Variants in PARD3 observed in about 807,000 individuals in gnomAD.
The protein encoded by PARD3 is partitioning defective 3 homolog.
Under a neutral mutation model 155.4 loss-of-function variants are expected in PARD3, and 75 were observed. The observed-to-expected ratio is 0.48, with a 90% CI of 0.40 to 0.58. The LOEUF is 0.58. Among genes scored for constraint, PARD3 ranks in the 20% least tolerant of loss-of-function variants. The pLI is 0.00. For synonymous variants in PARD3, 576 were observed against 610.5 expected, an observed-to-expected ratio of 0.94 and a Z score of 0.83; for missense variants, 1,642 against 1,721.7, an observed-to-expected ratio of 0.95 and a Z score of 0.82.
chr10:34,605,443 T>C lies in PARD3; in HGVS notation c.223-88284A>G, dbSNP rs1249436188. On this transcript the variant is annotated intron_variant, in intron 2 of 24. Coordinates refer to ENST00000374788, the MANE Select transcript of PARD3 (RefSeq NM_001184785.2). ...CTCCTGACCTCATGATCCGCCCACC[T>C]CGGCCTCCCAAAGTGCTGGGATTAC... 8.2e-5 allele frequency among the ~76,000 whole-genome samples: 12 copies of C among 146,780 alleles called. No individual in the cohort carries two copies. The Admixed American group carries it at 8.2e-4, about 10-fold the overall frequency.
At chr10:34,286,324 A>G (rs548859378) in intron 20 of PARD3, among the ~76,000 whole-genome samples, 3 of 152,364 alleles carry the variant, frequency 2.0e-5, no homozygotes, top group Non-Finnish European at 4.4e-5. Context: ...GGTCATTTCA[A>G]CTGCCATAGA....
At chr10:34,485,930 T>TTG (rs2079430619) in intron 3 of PARD3, among the ~76,000 whole-genome samples, 1 of 149,026 alleles carries the variant, frequency 6.7e-6, no homozygotes, top group African/African-American at 2.5e-5. Context: ...TTTTTTTTTT[T>TTG]TTTTTTTTTT....
chr10:34,376,850 G>C (rs1274066241), intron 10 of PARD3, among the ~76,000 whole-genome samples: 1 of 151,976 alleles, frequency 6.6e-6, no homozygotes, highest in Non-Finnish European at 1.5e-5. Context: ...TTGAATACTA[G>C]TTAATTAGGA....
chr10:34,109,863 T>C lies in PARD3; in HGVS notation c.*1306A>G, dbSNP rs578027985. On this transcript the variant is annotated 3_prime_UTR_variant, in exon 25 of 25. Transcript: ENST00000374788. ...CATGTCTTTTTTTCTGTTTTTAAAG[T>C]AAATACATGGTATGCTGAGCTTTCA... 6.6e-6 allele frequency: 1 copy of C among 151,978 alleles called. No homozygotes were observed. The highest frequency in any genetic ancestry group is 2.1e-4 in the South Asian group (1 of 4,810). The allele number at this position is 151,978 out of a possible 1,614,324, so 9.4% of individuals were successfully genotyped here.
chr10:34,675,945 G>T (rs2093696993), intron 2 of PARD3: 1 of 163,202 alleles, frequency 6.1e-6, no homozygotes, highest in African/African-American at 2.4e-5. Flanking sequence ...CGAATCTCAT[G>T]TGCTGGGCCA....
intron 2 of PARD3, among the ~76,000 whole-genome samples, chr10:34,520,906 C>T (rs1322726874): frequency 6.6e-6 from 1 of 152,098 alleles, no homozygotes; most frequent in African/African-American, 2.4e-5. Context: ...TTTTGGATTG[C>T]TATACTTGAT....
intron 2 of PARD3, among the ~76,000 whole-genome samples, chr10:34,633,755 C>A (rs1035177363): frequency 6.6e-6 from 1 of 152,180 alleles, no homozygotes; most frequent in Non-Finnish European, 1.5e-5. Context: ...AACTTCCATG[C>A]TGTTTTCCAT....
chr10:34,800,361 G>T (rs1842735654), intron 1 of PARD3, among the ~76,000 whole-genome samples: 1 of 152,018 alleles, frequency 6.6e-6, no homozygotes, highest in African/African-American at 2.4e-5. Flanking sequence ...GTAAATCCCA[G>T]CACTTTGGGA....
chr10:34,780,982 TTTGAAGGGATGCA>T (rs1379029173), intron 1 of PARD3, among the ~76,000 whole-genome samples: 1 of 152,200 alleles, frequency 6.6e-6, no homozygotes, highest in Non-Finnish European at 1.5e-5. Context: ...ATTTCCTCTA[TTTGAAGGGATGCA>T]TTTCCGCTTA....
intron 1 of PARD3, among the ~76,000 whole-genome samples, chr10:34,777,198 CT>C (rs1423943756): frequency 3.3e-5 from 5 of 151,970 alleles, no homozygotes; most frequent in African/African-American, 1.2e-4. Flanking sequence ...TCGAAGACTC[CT>C]GCCTGCTCAC....
intron 22 of PARD3, among the ~76,000 whole-genome samples, chr10:34,224,668 A>C (rs1588841195): frequency 6.6e-6 from 1 of 152,222 alleles, no homozygotes; most frequent in Non-Finnish European, 1.5e-5. Flanking sequence ...CCATCTCTGC[A>C]ATCAATAGGG....
chr10:34,131,313 T>A, intron 23 of PARD3, 150 bp downstream of exon 23: 1 of 735,006 alleles, frequency 1.4e-6, no homozygotes, highest in Non-Finnish European at 2.3e-6. Context: ...GAAACCCAGA[T>A]GGAAATGAGG....
chr10:34,116,632 A>T (rs1009777084), intron 24 of PARD3, among the ~76,000 whole-genome samples: 1 of 152,214 alleles, frequency 6.6e-6, no homozygotes, highest in African/African-American at 2.4e-5. Flanking sequence ...GAAGATTCTC[A>T]TTGATAAATT....
chr10:34,794,554 CCT>C (rs1278364621), intron 1 of PARD3, among the ~76,000 whole-genome samples: 1 of 152,174 alleles, frequency 6.6e-6, no homozygotes, highest in Non-Finnish European at 1.5e-5. Context: ...TGCATTCCCA[CCT>C]CTGTGTATGA....
chr10:34,468,219 C>T (rs2078127480), intron 4 of PARD3, among the ~76,000 whole-genome samples: 1 of 152,174 alleles, frequency 6.6e-6, no homozygotes, highest in Non-Finnish European at 1.5e-5. Context: ...TCTCCAGGAC[C>T]ACCTAGGACC....
intron 22 of PARD3, among the ~76,000 whole-genome samples, chr10:34,228,557 A>C (rs1952746030): frequency 6.6e-6 from 1 of 152,128 alleles, no homozygotes; most frequent in African/African-American, 2.4e-5. Context: ...AAATGTTAAA[A>C]GACTAGATTG....
intron 1 of PARD3, among the ~76,000 whole-genome samples, chr10:34,788,873 A>C (rs1346571124): frequency 6.6e-6 from 1 of 152,168 alleles, no homozygotes; most frequent in East Asian, 1.9e-4. Flanking sequence ...AGAGGCAGAG[A>C]GCACTCTCCC....
chr10:34,777,595 T>C (rs1050804116), intron 1 of PARD3, among the ~76,000 whole-genome samples: 6 of 152,138 alleles, frequency 3.9e-5, no homozygotes, highest in Non-Finnish European at 8.8e-5. Context: ...TGGAATACAG[T>C]GGTGCAATCG....
chr10:34,319,569 A>G (rs1958250111), intron 19 of PARD3, among the ~76,000 whole-genome samples: 1 of 152,216 alleles, frequency 6.6e-6, no homozygotes, highest in East Asian at 1.9e-4. Flanking sequence ...CTAGAAGGAC[A>G]TAGTGAAAAT....
Sources: gnomAD v4.1 joint callset for allele counts (sites outside exome capture counted in the v4.1 genomes callset) on GRCh38, gnomAD v4.1.1 for gene constraint, MANE v1.5 for transcripts, NCBI Gene and HGNC (gene_info 2026-07-23, HGNC 2026-07-21) for gene names.